Variants in BLTP3B observed in about 807,000 individuals in gnomAD.
BLTP3B encodes bridge-like lipid transfer protein family member 3B, also known as UHRF1 (ICBP90) binding protein 1-like.
At chr12:100,093,012 C>A in the BLTP3B span, 802 of 966,090 alleles carry the variant, frequency 8.3e-4, 15 homozygotes, top group East Asian at 0.062. Flanking sequence ...CCTCAACTTA[C>A]TTAAAAACTT....
chr12:100,059,304 T>C, the BLTP3B span: 7 of 1,614,114 alleles, frequency 4.3e-6, no homozygotes, highest in Admixed American at 1.7e-5. Context: ...AGCATGTCTC[T>C]GGAAAATTGG....
the BLTP3B span, chr12:100,039,719 A>G: frequency 6.2e-7 from 1 of 1,613,892 alleles, no homozygotes; most frequent in African/African-American, 1.3e-5. Flanking sequence ...CATACTTTCC[A>G]CTGGTCAGCA....
chr12:100,119,713 AG>A, the BLTP3B span, among the ~76,000 whole-genome samples: 3 of 152,190 alleles, frequency 2.0e-5, no homozygotes. Flanking sequence ...AAGTGGTACC[AG>A]AATGATGTTA....
the BLTP3B span, chr12:100,057,740 C>A: frequency 1.3e-6 from 2 of 1,598,796 alleles, no homozygotes; most frequent in Non-Finnish European, 1.7e-6. Flanking sequence ...GTTCCTTAGG[C>A]TTTCCACTGT....
At chr12:100,072,012 G>A in the BLTP3B span, among the ~76,000 whole-genome samples, 3 of 152,174 alleles carry the variant, frequency 2.0e-5, no homozygotes. Context: ...TATAATCCCA[G>A]CACTATGGGA....
At chr12:100,118,007 T>C in the BLTP3B span, among the ~76,000 whole-genome samples, 84 of 151,876 alleles carry the variant, frequency 5.5e-4, no homozygotes, top group East Asian at 0.015. Context: ...CCTGGACTTA[T>C]GTGTATCGAT....
chr12:100,061,704 A>G, the BLTP3B span, among the ~76,000 whole-genome samples: 3 of 152,082 alleles, frequency 2.0e-5, no homozygotes, highest in East Asian at 5.8e-4. Context: ...TTTCCAACAG[A>G]AGTCTACTTA....
At chr12:100,101,660 A>G in the BLTP3B span, among the ~76,000 whole-genome samples, 9 of 152,376 alleles carry the variant, frequency 5.9e-5, no homozygotes, top group South Asian at 1.9e-3. Flanking sequence ...TAACTTTTCA[A>G]AAAGACTTTA....
chr12:100,131,933 G>T, the BLTP3B span, among the ~76,000 whole-genome samples: 6 of 152,150 alleles, frequency 3.9e-5, no homozygotes, highest in Non-Finnish European at 5.9e-5. Flanking sequence ...GGGACTACAG[G>T]CATGCGCCAC....
the BLTP3B span, among the ~76,000 whole-genome samples, chr12:100,064,146 A>G: frequency 6.6e-6 from 1 of 152,242 alleles, no homozygotes; most frequent in Non-Finnish European, 1.5e-5. Flanking sequence ...AATGCTATAG[A>G]AAGTCTCAGC....
At chr12:100,081,195 T>A in the BLTP3B span, among the ~76,000 whole-genome samples, 1 of 152,156 alleles carries the variant, frequency 6.6e-6, no homozygotes, top group Non-Finnish European at 1.5e-5. Context: ...TATGTCTTTA[T>A]CAGAAGCATG....
the BLTP3B span, among the ~76,000 whole-genome samples, chr12:100,041,479 C>T: frequency 6.9e-6 from 1 of 145,194 alleles, no homozygotes; most frequent in Non-Finnish European, 1.5e-5. Flanking sequence ...ACTCTGTCGC[C>T]AGGCTGGAGT....
At chr12:100,058,218 A>C in the BLTP3B span, 1 of 1,612,730 alleles carries the variant, frequency 6.2e-7, no homozygotes, top group Non-Finnish European at 8.5e-7. Context: ...ATCAAATGAA[A>C]GTATATTCGA....
chr12:100,061,922 T>G, the BLTP3B span, among the ~76,000 whole-genome samples: 1 of 152,218 alleles, frequency 6.6e-6, no homozygotes, highest in Non-Finnish European at 1.5e-5. Context: ...TCTATCCCCC[T>G]GTAGCTCAGA....
the BLTP3B span, among the ~76,000 whole-genome samples, chr12:100,062,975 T>C: frequency 7.4e-5 from 11 of 148,994 alleles, no homozygotes; most frequent in African/African-American, 2.5e-4. Flanking sequence ...AAGAAAAGAA[T>C]TTAAAAAAAA....
chr12:100,130,559 AT>A, the BLTP3B span, among the ~76,000 whole-genome samples: 1 of 151,704 alleles, frequency 6.6e-6, no homozygotes, highest in Non-Finnish European at 1.5e-5. Flanking sequence ...TAAATCTTAC[AT>A]TTTATGGATG....
At chr12:100,065,929 G>T in the BLTP3B span, among the ~76,000 whole-genome samples, 1 of 152,094 alleles carries the variant, frequency 6.6e-6, no homozygotes, top group East Asian at 1.9e-4. Flanking sequence ...AAACCTGCTG[G>T]TTTTGCGGCT....
chr12:100,094,755 G>A, the BLTP3B span, among the ~76,000 whole-genome samples: 2 of 152,188 alleles, frequency 1.3e-5, no homozygotes, highest in African/African-American at 2.4e-5. Flanking sequence ...AGCTACGCGG[G>A]GGGCTGAGGC....
At chr12:100,102,727 T>C in the BLTP3B span, 2 of 1,181,240 alleles carry the variant, frequency 1.7e-6, no homozygotes, top group South Asian at 1.4e-5. Flanking sequence ...TTTAATGTCC[T>C]GTTATTGGCA....
Sources: gnomAD v4.1 joint callset for allele counts (sites outside exome capture counted in the v4.1 genomes callset) on GRCh38, gnomAD v4.1.1 for gene constraint, MANE v1.5 for transcripts, NCBI Gene and HGNC (gene_info 2026-07-23, HGNC 2026-07-21) for gene names.